SNRPG: variants seen among roughly 807,000 people sequenced by gnomAD.
The protein encoded by SNRPG is small nuclear ribonucleoprotein G.
Under a neutral mutation model 13.9 loss-of-function variants are expected in SNRPG, and 3 were observed. The observed-to-expected ratio is 0.22, with a 90% confidence interval of 0.10 to 0.56. The LOEUF (loss-of-function observed/expected upper bound fraction) is 0.56, where lower values mean the gene tolerates loss of function less well. Among genes scored for constraint, SNRPG ranks in the 20% least tolerant of loss-of-function variants. The pLI is 0.93. For synonymous variants in SNRPG, 29 were observed against 29.3 expected (o/e 0.99, Z 0.03); for missense variants, 34 against 96.1 (o/e 0.35, Z 2.70).
chr2:70,289,636 C>A, intron 1 of SNRPG, among the ~76,000 whole-genome samples: 1 of 152,094 alleles, frequency 6.6e-6, no homozygotes, highest in East Asian at 1.9e-4. Flanking sequence ...CATGGTGAAA[C>A]CCCATCTCTA....
At chr2:70,283,553 T>G (rs755986743) in intron 3 of SNRPG, among the ~76,000 whole-genome samples, 6 of 152,212 alleles carry the variant, frequency 3.9e-5, no homozygotes, top group Non-Finnish European at 5.9e-5. Flanking sequence ...ATGTAAATTT[T>G]ATGAGGGCAG....
chr2:70,288,358 TTAATTTA>T (rs1696994372), intron 2 of SNRPG, among the ~76,000 whole-genome samples, 166 bp from the exon 3 acceptor site: 1 of 152,234 alleles, frequency 6.6e-6, no homozygotes. Context: ...CTTCCACATT[TTAATTTA>T]TAAGAATCCT....
chr2:70,289,279 A>T, intron 2 of SNRPG, 71 bp downstream of exon 2: 1 of 941,208 alleles, frequency 1.1e-6, no homozygotes, highest in Non-Finnish European at 1.6e-6. Flanking sequence ...AAGTTGCTCC[A>T]AACATTGCTA....
intron 3 of SNRPG, chr2:70,287,252 T>C: frequency 2.9e-6 from 2 of 695,476 alleles, no homozygotes; most frequent in East Asian, 2.7e-5. Flanking sequence ...GGCTAATAAT[T>C]AGCAACTCTT....
At chr2:70,281,783 TATTAC>T in intron 3 of SNRPG, 99 bp from the exon 4 acceptor site, 1 of 685,618 alleles carries the variant, frequency 1.5e-6, no homozygotes, top group Non-Finnish European at 2.5e-6. Flanking sequence ...GGTTTTTTAA[TATTAC>T]ATGTCGGTTT....
intron 2 of SNRPG, 40 bp downstream of exon 2, chr2:70,289,310 T>C: frequency 8.1e-7 from 1 of 1,232,506 alleles, no homozygotes; most frequent in Non-Finnish European, 1.2e-6. Flanking sequence ...AAAAAGCAAT[T>C]AAATAATTAA....
At chr2:70,289,618 C>T (rs929315325) in intron 1 of SNRPG, among the ~76,000 whole-genome samples, 1 of 152,128 alleles carries the variant, frequency 6.6e-6, no homozygotes, top group African/African-American at 2.4e-5. Flanking sequence ...TGAGACCAGC[C>T]TGGGCAACAT....
At chr2:70,289,681 C>T (rs1038308840) in intron 1 of SNRPG, among the ~76,000 whole-genome samples, 1 of 152,054 alleles carries the variant, frequency 6.6e-6, no homozygotes, top group Non-Finnish European at 1.5e-5. Flanking sequence ...GGTGGTGGCA[C>T]ATGCCTATGG....
chr2:70,288,079 T>C lies in SNRPG; in HGVS notation c.169A>G (p.Ile57Val). The change falls in exon 3 of 4, where the codon ATT becomes GTT. Residue 57 changes from isoleucine (I) to valine (V), a missense_variant. Coordinates refer to ENST00000272348, the MANE Select transcript of SNRPG (RefSeq NM_003096.4). ...GTATCTTTACTTACCACCATTCCAA[T>C]ATTGTTCTGTTGTCCACTAGTCGCC... ...EMATSGQQNN[I>V]GMVVIRGNSI... 3 of 1,611,760 alleles carry C rather than the reference T, an allele frequency of 1.9e-6. No individual in the cohort carries two copies. The highest frequency in any genetic ancestry group is 2.5e-6 in the Non-Finnish European group (3 of 1,179,388).
At chr2:70,292,969 A>T (rs965173068) in intron 1 of SNRPG, 2 of 591,714 alleles carry the variant, frequency 3.4e-6, no homozygotes, top group Non-Finnish European at 6.0e-6. Flanking sequence ...CTGGGTGTGT[A>T]GAAAAAACTT....
At chr2:70,287,953 G>A in intron 3 of SNRPG, 115 bp downstream of exon 3, 1 of 941,156 alleles carries the variant, frequency 1.1e-6, no homozygotes, top group Non-Finnish European at 1.7e-6. Flanking sequence ...AAAGGAGATG[G>A]AAAGTCTAAT....
At chr2:70,283,124 ACAACAAACCAAAACC>A (rs1696853629) in intron 3 of SNRPG, among the ~76,000 whole-genome samples, 1 of 145,262 alleles carries the variant, frequency 6.9e-6, no homozygotes, top group African/African-American at 2.6e-5. Context: ...AAAAAAAAAA[ACAACAAACCAAAACC>A]AAAACAAACC....
intron 3 of SNRPG, among the ~76,000 whole-genome samples, chr2:70,286,791 G>T (rs1429408207): frequency 6.6e-6 from 1 of 152,156 alleles, no homozygotes; most frequent in Non-Finnish European, 1.5e-5. Context: ...TGACAATTAG[G>T]TGCCAAGTTC....
intron 3 of SNRPG, among the ~76,000 whole-genome samples, chr2:70,283,118 A>AAC (rs1559041600): frequency 6.7e-6 from 1 of 148,818 alleles, no homozygotes; most frequent in African/African-American, 2.5e-5. Context: ...AAAAAAAAAA[A>AAC]AAAAAACAAC....
At chr2:70,293,498 C>T (rs1362304026) in intron 1 of SNRPG, 120 bp downstream of exon 1, 9 of 934,264 alleles carry the variant, frequency 9.6e-6, no homozygotes, top group African/African-American at 3.2e-5. Flanking sequence ...CCGGCGACCT[C>T]GGACCGGAAG....
At chr2:70,285,086 CTT>C (rs1696906615) in intron 3 of SNRPG, among the ~76,000 whole-genome samples, 1 of 152,104 alleles carries the variant, frequency 6.6e-6, no homozygotes, top group Non-Finnish European at 1.5e-5. Flanking sequence ...CTTTTTTTAA[CTT>C]AATACTAGCC....
intron 3 of SNRPG, among the ~76,000 whole-genome samples, chr2:70,283,119 A>AC (rs1559041605): frequency 2.0e-5 from 3 of 147,354 alleles, no homozygotes; most frequent in Non-Finnish European, 4.5e-5. Context: ...AAAAAAAAAA[A>AC]AAAAACAACA....
At chr2:70,282,309 G>T (rs1413219364) in intron 3 of SNRPG, among the ~76,000 whole-genome samples, 1 of 152,148 alleles carries the variant, frequency 6.6e-6, no homozygotes, top group African/African-American at 2.4e-5. Flanking sequence ...ATGTACAGTA[G>T]AGTATGTTAG....
In SNRPG at chr2:70,281,680, A is replaced by G. The variant is rs779152735; in HGVS notation, c.185T>C (p.Ile62Thr). The G allele has an allele frequency of 1.3e-6, 2 of 1,537,376 alleles. No individual in the cohort carries two copies. Among genetic ancestry groups the G allele is most frequent in the Admixed American group, 1.7e-5 (1 of 58,192 alleles). The change falls in exon 4 of 4, where the codon ATA becomes ACA. Residue 62 changes from isoleucine (I) to threonine (T), a missense_variant. Transcript: ENST00000272348. ...GQQNNIGMVV[I>T]RGNSIIMLEA... ...TAACATGATGATACTATTTCCTCGT[A>G]TTACCTAAGAAAGAGAAAAATAAAT... is the stretch of plus-strand genomic sequence containing the variant.
Sources: allele counts gnomAD v4.1 joint callset (sites outside exome capture counted in the v4.1 genomes callset), GRCh38; gene constraint gnomAD v4.1.1; transcripts MANE v1.5; gene names NCBI Gene and HGNC (gene_info 2026-07-23, HGNC 2026-07-21).